Variants in SPAG1 observed in about 807,000 individuals in gnomAD.
The protein encoded by SPAG1 is sperm-associated antigen 1.
Under a neutral mutation model 100.5 loss-of-function variants are expected in SPAG1, and 69 were observed. That is an observed-to-expected ratio of 0.69 (90% CI 0.57 to 0.84). SPAG1 has a LOEUF of 0.84. Ranked by LOEUF, SPAG1 falls within the 40% of genes least tolerant of loss-of-function variation. SPAG1 has a pLI of 0.00. For missense variants in SPAG1, 955 were observed against 1,133.1 expected, an observed-to-expected ratio of 0.84 and a Z score of 2.26; for synonymous variants, 336 against 411.6, an observed-to-expected ratio of 0.82 and a Z score of 2.22.
At chr8:100,237,113 CT>C (rs1819041774) in intron 16 of SPAG1, among the ~76,000 whole-genome samples, 1 of 152,130 alleles carries the variant, frequency 6.6e-6, no homozygotes, top group Non-Finnish European at 1.5e-5. Flanking sequence ...CAGAGTCTTG[CT>C]CTGTCACTCA....
intron 10 of SPAG1, 83 bp from the exon 11 acceptor site, chr8:100,213,007 T>G (rs1270054230): frequency 2.0e-6 from 1 of 493,806 alleles, no homozygotes; most frequent in Non-Finnish European, 2.8e-6. Flanking sequence ...CTCCGCGTCC[T>G]GCACCCCCGC....
Position 100,177,912 on chromosome 8 carries a change from G to T in SPAG1, c.397G>T (p.Gly133Cys). ...GAAAGATAATTTGCCTCCAGTTCGT[G>T]GTTCAAACAGCTGTCTTCATGTAGG... ...AMKDNLPPVR[G>C]SNSCLHVGKE... is the part of the protein sequence containing the mutation. Residue 133 changes from glycine to cysteine, a missense_variant, in exon 4 of 19, where the codon GGT (glycine) becomes TGT (cysteine). Coordinates refer to ENST00000388798, the MANE Select transcript of SPAG1 (RefSeq NM_003114.5). 6.2e-7 allele frequency: 1 copy of T among 1,612,540 alleles called. No individual in the cohort carries two copies. The highest frequency in any genetic ancestry group is 1.1e-5 in the South Asian group (1 of 90,970).
intron 3 of SPAG1, among the ~76,000 whole-genome samples, chr8:100,173,030 C>T (rs942508931): frequency 5.6e-4 from 58 of 103,818 alleles, no homozygotes; most frequent in African/African-American, 1.8e-3. Flanking sequence ...TTCTTGACCA[C>T]TTCTTTTTTT....
intron 8 of SPAG1, among the ~76,000 whole-genome samples, chr8:100,188,488 A>T (rs1414608864): frequency 1.3e-5 from 2 of 152,230 alleles, no homozygotes; most frequent in African/African-American, 4.8e-5. Context: ...TTTTAAATTA[A>T]TAATTTGAAT....
chr8:100,225,308 C>G lies in SPAG1; in HGVS notation c.1824C>G (p.Asp608Glu). The G allele has an allele frequency of 6.2e-7, 1 of 1,613,882 alleles. No individual in the cohort carries two copies. Among genetic ancestry groups the G allele is most frequent in the Non-Finnish European group, 8.5e-7 (1 of 1,179,988 alleles). ...AGATGATCTCAAAACAAGCAGGAGA[C>G]TCCAGCAGCCATCGCCAGCAGGGCA... ...AKEMISKQAG[D>E]SSSHRQQGIT... The change falls in exon 14 of 19, where the codon GAC (aspartate) becomes GAG (glutamate). Residue 608 changes from aspartate to glutamate, a missense_variant. Coordinates refer to ENST00000388798, the MANE Select transcript of SPAG1 (RefSeq NM_003114.5).
At position 100,240,959 on chromosome 8, in the gene SPAG1, C is replaced by G; in HGVS notation, c.2718C>G (p.Asp906Glu). The G allele has an allele frequency of 1.2e-6, 2 of 1,612,002 alleles. No homozygotes were observed. The highest frequency in any genetic ancestry group is 1.7e-6 in the Non-Finnish European group (2 of 1,179,398). Residue 906 changes from aspartate (D) to glutamate (E), a missense_variant, in exon 19 of 19, where the codon GAC becomes GAG. Coordinates refer to ENST00000388798, the MANE Select transcript of SPAG1 (RefSeq NM_003114.5). ...AACAGCTGTTTGAGGACCTTTCGGA[C>G]ACACCAAACAACCATTTTACTTTAG... Reference protein sequence around the residue: ...LIEQLFEDLSDTPNNHFTLED... With the variant: ...LIEQLFEDLSETPNNHFTLED...
intron 3 of SPAG1, among the ~76,000 whole-genome samples, chr8:100,169,228 A>G (rs914583050): frequency 6.6e-6 from 1 of 152,176 alleles, no homozygotes; most frequent in Admixed American, 6.5e-5. Flanking sequence ...ATAAAATATT[A>G]TCTTTAAATT....
intron 17 of SPAG1, 25 bp from the exon 18 acceptor site, chr8:100,240,378 A>G (rs568288967): frequency 4.2e-5 from 66 of 1,559,080 alleles, no homozygotes; most frequent in South Asian, 1.7e-4. Flanking sequence ...CAGTGTCACA[A>G]TGCATTTTTC....
intron 3 of SPAG1, among the ~76,000 whole-genome samples, chr8:100,176,843 T>TCTC (rs1563775416): frequency 1.5e-4 from 9 of 60,690 alleles, no homozygotes; most frequent in East Asian, 8.8e-4. Context: ...CCTCTCCTCT[T>TCTC]CTCTCTCCTC....
rs773773192 is a variant in SPAG1, at chr8:100,187,250, G to C, written c.832G>C (p.Ala278Pro). The stretch of plus-strand genomic sequence containing the variant: ...GGAGTTAGAACCTGGAAACGTAAAG[G>C]GTAAAAAATATTATAGAATTCTTTT... ...VLELEPGNVKALLRRATTYKH... is the reference protein window; with the variant it reads ...VLELEPGNVKPLLRRATTYKH... The change falls in exon 8 of 19, where the codon GCT becomes CCT. Residue 278 changes from alanine to proline, a missense_variant and splice_region_variant. Coordinates refer to ENST00000388798, the MANE Select transcript of SPAG1 (RefSeq NM_003114.5). The C allele has an allele frequency of 3.1e-6, 5 of 1,597,986 alleles. No homozygotes were observed. Among genetic ancestry groups the C allele is most frequent in the Non-Finnish European group, 4.3e-6 (5 of 1,172,088 alleles).
At position 100,240,872 on chromosome 8, in the gene SPAG1, T is replaced by G. The variant is rs199516221; in HGVS notation, c.2650-19T>G. ...AACATAGTTGGTTTTTTGTTTTTTT[T>G]TTTTTTTGCTTCTTTTAGATGATGT... On this transcript the variant is annotated intron_variant, in intron 18 of 18. Transcript: ENST00000388798. 8.3e-6 allele frequency: 13 copies of G among 1,564,646 alleles called. No individual in the cohort carries two copies. In the East Asian group the frequency reaches 1.6e-4, roughly 19 times the overall value.
chr8:100,159,878 A>G (rs1018916228), intron 1 of SPAG1, among the ~76,000 whole-genome samples: 3 of 152,218 alleles, frequency 2.0e-5, no homozygotes, highest in African/African-American at 7.2e-5. Flanking sequence ...CTTAGTTCAC[A>G]TGTCGACTTG....
Position 100,239,874 on chromosome 8 carries a change from G to A in SPAG1, c.2280+470G>A, listed in dbSNP as rs1819176219. Among the ~76,000 whole-genome samples the A allele has an allele frequency of 6.6e-6, 1 of 152,198 alleles. No individual in the cohort carries two copies. Among genetic ancestry groups the A allele is most frequent in the Admixed American group, 6.5e-5 (1 of 15,288 alleles). ...TACCTCAGGATCAAACTGCTTTTGT[G>A]ATTCAGATAACTAAAATGTTTTTCT... On this transcript the variant is annotated intron_variant, in intron 17 of 18. Transcript: ENST00000388798. The surrounding 1 kb of genome is among the most constrained non-coding windows in gnomAD (Gnocchi z 5.0).
intron 13 of SPAG1, among the ~76,000 whole-genome samples, chr8:100,220,922 A>G (rs1326933911): frequency 1.3e-5 from 2 of 151,968 alleles, no homozygotes; most frequent in African/African-American, 4.8e-5. Flanking sequence ...AAAATACAAA[A>G]ATTAGCCAGG....
intron 10 of SPAG1, among the ~76,000 whole-genome samples, chr8:100,199,929 G>A (rs1194108628): frequency 1.3e-5 from 2 of 149,264 alleles, no homozygotes; most frequent in East Asian, 4.0e-4. Context: ...TTTTTTTTTA[G>A]GGTGCAGCAA....
rs143194105 is a variant in SPAG1, at chr8:100,174,366, C to T, written c.301-3450C>T. ...GTGGATCATCATAAAGGTCTTTATC[C>T]TCGTCATCATCACATTAAATAGGTT... On this transcript the variant is annotated intron_variant, in intron 3 of 18. Coordinates refer to ENST00000388798, the MANE Select transcript of SPAG1 (RefSeq NM_003114.5). Among the ~76,000 whole-genome samples the T allele has an allele frequency of 3.5e-3, 525 of 152,164 alleles. 7 individuals are homozygous for T. Among genetic ancestry groups the T allele is most frequent in the African/African-American group, 0.012 (499 of 41,516 alleles).
At chr8:100,164,150 T>C (rs1339623570) in intron 2 of SPAG1, among the ~76,000 whole-genome samples, 4 of 152,180 alleles carry the variant, frequency 2.6e-5, no homozygotes. Context: ...GTTTAAGCTG[T>C]TTATCTGCCA....
Position 100,225,279 on chromosome 8 carries a change from A to G in SPAG1, c.1795A>G (p.Lys599Glu). The G allele has an allele frequency of 1.2e-6, 2 of 1,613,962 alleles. No homozygotes were observed. The highest frequency in any genetic ancestry group is 1.7e-6 in the Non-Finnish European group (2 of 1,179,988). ...GCCACTGCAAGCTTGGCATCCGGCA[A>G]AAGAGATGATCTCAAAACAAGCAGG... is the stretch of plus-strand genomic sequence containing the variant. ...SVPLQAWHPA[K>E]EMISKQAGDS... The change falls in exon 14 of 19, where the codon AAA (lysine) becomes GAA (glutamate). Residue 599 changes from lysine (K) to glutamate (E), a missense_variant. By Grantham distance (56) the Lys-to-Glu change is moderately conservative. Transcript: ENST00000388798.
intron 14 of SPAG1, 69 bp downstream of exon 14, chr8:100,225,408 C>G (rs1250798290): frequency 7.1e-7 from 1 of 1,405,464 alleles, no homozygotes; most frequent in Admixed American, 1.8e-5. Flanking sequence ...CACAGTAAAG[C>G]AGAGAGATAA....
Sources: allele counts gnomAD v4.1 joint callset (sites outside exome capture counted in the v4.1 genomes callset), GRCh38; gene constraint gnomAD v4.1.1; non-coding constraint Gnocchi (gnomAD v3.1); transcripts MANE v1.5; gene names NCBI Gene and HGNC (gene_info 2026-07-23, HGNC 2026-07-21).